ATP2B2: variants seen among roughly 807,000 people sequenced by gnomAD.
The protein encoded by ATP2B2 is plasma membrane calcium-transporting ATPase 2.
ATP2B2 carries 15 observed loss-of-function variants against 120.0 expected under a neutral mutation model. The ratio of observed to expected loss-of-function variants is 0.12; its 90% CI spans 0.08 to 0.19. The LOEUF is 0.19. Ranked by LOEUF, ATP2B2 falls within the 10% of genes least tolerant of loss-of-function variation. The probability of loss-of-function intolerance (pLI) is 1.00; values close to 1 mark genes in which losing one functional copy is unlikely to be tolerated. For missense variants in ATP2B2, 1,045 were observed against 1,719.8 expected, an observed-to-expected ratio of 0.61 and a Z score of 6.94; for synonymous variants, 694 against 700.3, an observed-to-expected ratio of 0.99 and a Z score of 0.14.
intron 15 of ATP2B2, 22 bp from the exon 16 acceptor site, chr3:10,350,221 GGCGGGTCGGT>G: frequency 6.3e-7 from 1 of 1,599,716 alleles, no homozygotes; most frequent in Non-Finnish European, 8.6e-7. Flanking sequence ...TGGGGAAGGG[GGCGGGTCGGT>G]GGGGTCGGGG....
At chr3:10,448,229 TCTC>T (rs1403446585) in intron 2 of ATP2B2, among the ~76,000 whole-genome samples, 2 of 152,138 alleles carry the variant, frequency 1.3e-5, no homozygotes, top group African/African-American at 2.4e-5. Context: ...GACATCCACT[TCTC>T]CTTAGAATAA....
intron 1 of ATP2B2, among the ~76,000 whole-genome samples, chr3:10,679,756 G>A (rs188350637): frequency 6.6e-6 from 1 of 152,280 alleles, no homozygotes; most frequent in East Asian, 1.9e-4. Flanking sequence ...AAACAATAAT[G>A]AGCTGCAGAA....
At chr3:10,582,045 G>A (rs1162231916) in intron 2 of ATP2B2, among the ~76,000 whole-genome samples, 1 of 152,228 alleles carries the variant, frequency 6.6e-6, no homozygotes. Context: ...AGAGAGGTGA[G>A]CCTGAACCGC....
At chr3:10,658,550 A>G (rs554945214) in intron 1 of ATP2B2, among the ~76,000 whole-genome samples, 22 of 152,338 alleles carry the variant, frequency 1.4e-4, no homozygotes, top group African/African-American at 5.3e-4. Flanking sequence ...GAGAAAAAAG[A>G]GTAAAAAGAA....
chr3:10,340,496 G>A lies in ATP2B2; in HGVS notation c.3126C>T (p.Ile1042=). 1 of 1,614,174 alleles carries A rather than the reference G, an allele frequency of 6.2e-7. No homozygotes were observed. Among genetic ancestry groups the A allele is most frequent in the Non-Finnish European group, 8.5e-7 (1 of 1,180,018 alleles). Residue 1042 remains isoleucine, a synonymous_variant, in exon 20 of 23, where the codon ATC becomes ATT. Transcript: ENST00000360273. This position sits in a 1 kb window ranked among gnomAD's most constrained non-coding sequence, Gnocchi z 5.0. ...GTTAGGGTGGGGGCCTCACTACCTG[G>A]ATGGCAAAGGTGCCCAGCACGATGG... ...FCTIVLGTFA[I]QIVIVQFGGK...
At chr3:10,519,911 C>T (rs1048413431) in intron 3 of ATP2B2, among the ~76,000 whole-genome samples, 2 of 152,170 alleles carry the variant, frequency 1.3e-5, no homozygotes, top group African/African-American at 2.4e-5. Flanking sequence ...GGACTGGGAT[C>T]GAATGCAGGG....
intron 12 of ATP2B2, 140 bp from the exon 13 acceptor site, chr3:10,360,263 AT>A: frequency 1.4e-6 from 2 of 1,410,394 alleles, no homozygotes; most frequent in Non-Finnish European, 1.9e-6. Flanking sequence ...CCCTTGGCCC[AT>A]CCCCTGCACC....
chr3:10,565,645 T>G (rs923098000), intron 2 of ATP2B2, among the ~76,000 whole-genome samples: 2 of 152,160 alleles, frequency 1.3e-5, no homozygotes, highest in African/African-American at 4.8e-5. Flanking sequence ...TGGGGTCCTG[T>G]GGCATTCATA....
rs370454484 is a variant in ATP2B2 at position 10,449,540 on chromosome 3, C to T, written c.4G>A (p.Gly2Ser). The T allele has an allele frequency of 1.7e-5, 28 of 1,614,120 alleles. No individual in the cohort carries two copies. The African/African-American group carries it at 3.7e-4, about 22-fold the overall frequency. The change falls in exon 2 of 23, where the codon GGT (glycine) becomes AGT (serine). Residue 2 changes from glycine to serine, a missense_variant. By Grantham distance (56) the Gly-to-Ser change is moderately conservative. Coordinates refer to ENST00000360273, the MANE Select transcript of ATP2B2 (RefSeq NM_001001331.4). The stretch of plus-strand genomic sequence containing the variant: ...TAAAAGTCGCTGTTGGTCATGTCAC[C>T]CATGTTTGCTGCGGTCCTTGCTCGG... M[G>S]DMTNSDFYSK...
chr3:10,355,588 G>A (rs899116966), intron 14 of ATP2B2, among the ~76,000 whole-genome samples: 5 of 152,194 alleles, frequency 3.3e-5, no homozygotes, highest in East Asian at 1.9e-4. Context: ...GAAGTGGCTC[G>A]TTAGCGGCAA....
intron 12 of ATP2B2, among the ~76,000 whole-genome samples, chr3:10,363,875 G>A (rs1317568135): frequency 6.6e-6 from 1 of 152,152 alleles, no homozygotes; most frequent in African/African-American, 2.4e-5. Context: ...GTCTGATTCT[G>A]GGGAATATGC....
chr3:10,683,760 G>GTGTGTGTGTGTATATATA (rs1446781892), intron 1 of ATP2B2, among the ~76,000 whole-genome samples: 3 of 53,902 alleles, frequency 5.6e-5, no homozygotes, highest in East Asian at 9.6e-4. Context: ...GTGTGTGTGT[G>GTGTGTGTGTGTATATATA]TATATATATA....
chr3:10,483,495 G>A (rs1482715980), intron 1 of ATP2B2, among the ~76,000 whole-genome samples: 1 of 152,170 alleles, frequency 6.6e-6, no homozygotes, highest in East Asian at 1.9e-4. Context: ...CTGGCTCCTG[G>A]CCCTGAGTGG....
intron 2 of ATP2B2, among the ~76,000 whole-genome samples, chr3:10,612,317 C>T (rs1486627666): frequency 6.6e-6 from 1 of 152,252 alleles, no homozygotes; most frequent in Middle Eastern, 3.2e-3. Flanking sequence ...AGCAACTCAG[C>T]TCAAGATTAC....
intron 1 of ATP2B2, among the ~76,000 whole-genome samples, chr3:10,665,270 C>T (rs1314939264): frequency 3.3e-5 from 5 of 152,122 alleles, no homozygotes; most frequent in African/African-American, 1.2e-4. Flanking sequence ...GGCCACAGGC[C>T]CTTTGCACAG....
At chr3:10,429,375 T>C (rs964097735) in intron 2 of ATP2B2, among the ~76,000 whole-genome samples, 13 of 152,224 alleles carry the variant, frequency 8.5e-5, no homozygotes, top group African/African-American at 2.7e-4. Context: ...ATTTTTCCAA[T>C]AGCACATGCT....
chr3:10,401,034 G>C lies in ATP2B2; in HGVS notation c.700C>G (p.Leu234Val), dbSNP rs1475754485. 4.3e-6 allele frequency: 7 copies of C among 1,614,044 alleles called. No individual in the cohort carries two copies. The highest frequency in any genetic ancestry group is 5.9e-6 in the Non-Finnish European group (7 of 1,180,030). The change falls in exon 5 of 23, where the codon CTC becomes GTC. Residue 234 changes from leucine to valine, a missense_variant. By Grantham distance (32) the Leu-to-Val change is conservative. Transcript: ENST00000360273. ...ADGLFIQGNDLKIDESSLTGE... is the reference protein window; with the variant it reads ...ADGLFIQGNDVKIDESSLTGE... ...GTTAGGGAGCTTTCATCAATCTTGAGGTCATTGCCCTGGATGAAGAGGCCG... is the reference window on the plus strand; with the variant it reads ...GTTAGGGAGCTTTCATCAATCTTGACGTCATTGCCCTGGATGAAGAGGCCG...
chr3:10,491,257 C>T (rs1575396959), intron 1 of ATP2B2, among the ~76,000 whole-genome samples: 4 of 146,456 alleles, frequency 2.7e-5, no homozygotes, highest in South Asian at 4.3e-4. Flanking sequence ...CGGTGTTTCA[C>T]TCTTGTCACC....
intron 12 of ATP2B2, among the ~76,000 whole-genome samples, chr3:10,366,218 A>G (rs191445410): frequency 4.9e-4 from 74 of 152,220 alleles, no homozygotes; most frequent in African/African-American, 1.5e-3. Context: ...GGAGATCTGA[A>G]TTCAAGGGCT....
Sources: gnomAD v4.1 joint callset for allele counts (sites outside exome capture counted in the v4.1 genomes callset) on GRCh38, gnomAD v4.1.1 for gene constraint, Gnocchi (gnomAD v3.1) non-coding constraint, MANE v1.5 for transcripts, NCBI Gene and HGNC (gene_info 2026-07-23, HGNC 2026-07-21) for gene names.